NDST4: variants seen among roughly 807,000 people sequenced by gnomAD.
NDST4 encodes N-deacetylase and N-sulfotransferase 4.
In NDST4, 63 loss-of-function variants were observed where a neutral mutation model predicts 100.8. That is an observed-to-expected ratio of 0.62 (90% CI 0.51 to 0.77). The LOEUF is 0.77. NDST4 is among the 30% of genes least tolerant of loss of function. The pLI, the probability that NDST4 is intolerant of heterozygous loss-of-function variation, is 0.00. For missense variants in NDST4, 943 were observed against 1,018.4 expected (o/e 0.93, Z 1.01); for synonymous variants, 377 against 361.8 (o/e 1.04, Z -0.48).
intron 1 of NDST4, among the ~76,000 whole-genome samples, chr4:115,110,687 AT>A (rs1272178986): frequency 1.3e-5 from 2 of 152,094 alleles, no homozygotes; most frequent in East Asian, 3.9e-4. Context: ...TTTCCTGAGA[AT>A]AAACTGTATT....
intron 4 of NDST4, among the ~76,000 whole-genome samples, chr4:114,964,022 T>G (rs1451332972): frequency 2.0e-5 from 3 of 152,178 alleles, no homozygotes; most frequent in African/African-American, 7.2e-5. Flanking sequence ...GTATATGGTA[T>G]AAGTGAAGAG....
At chr4:114,990,819 A>G (rs1157823446) in intron 2 of NDST4, among the ~76,000 whole-genome samples, 1 of 152,104 alleles carries the variant, frequency 6.6e-6, no homozygotes, top group Admixed American at 6.6e-5. Context: ...TGCCCCAGAC[A>G]TCATTGACAG....
At chr4:114,896,249 A>G (rs1027718859) in intron 6 of NDST4, among the ~76,000 whole-genome samples, 3 of 152,074 alleles carry the variant, frequency 2.0e-5, no homozygotes, top group African/African-American at 7.2e-5. Flanking sequence ...CACATTGATT[A>G]GTGTAGTTTT....
chr4:114,839,480 A>G lies in NDST4; in HGVS notation c.2184T>C (p.His728=). 1 of 1,614,022 alleles carries G rather than the reference A, an allele frequency of 6.2e-7. No homozygotes were observed. Among genetic ancestry groups the G allele is most frequent in the Non-Finnish European group, 8.5e-7 (1 of 1,179,940 alleles). The stretch of plus-strand genomic sequence containing the variant: ...AAGTTTTTAAGTCAGATGGAGCCCA[A>G]TGTCCTGTTGAAATAACTTCATAGA... The part of the protein sequence containing the change: ...FNFYEVISTG[H]WAPSDLKTLQ... Residue 728 remains histidine, a synonymous_variant, in exon 11 of 14, where the codon CAT becomes CAC. Coordinates refer to ENST00000264363, the MANE Select transcript of NDST4 (RefSeq NM_022569.3).
chr4:115,030,824 C>A (rs937784436), intron 2 of NDST4, among the ~76,000 whole-genome samples: 4 of 152,054 alleles, frequency 2.6e-5, no homozygotes, highest in African/African-American at 9.7e-5. Context: ...GCATCATGTT[C>A]TATCGAGAAT....
chr4:115,019,677 C>T (rs1028584378), intron 2 of NDST4, among the ~76,000 whole-genome samples: 1 of 152,094 alleles, frequency 6.6e-6, no homozygotes, highest in African/African-American at 2.4e-5. Context: ...CCCTCAAAAA[C>T]CCATGTTGCA....
chr4:114,959,462 A>G (rs900786664), intron 4 of NDST4, among the ~76,000 whole-genome samples: 1 of 152,198 alleles, frequency 6.6e-6, no homozygotes, highest in Non-Finnish European at 1.5e-5. Flanking sequence ...TGGAAGGTGA[A>G]GGAGGAGCAA....
chr4:114,979,729 G>T (rs1363488837), intron 2 of NDST4, among the ~76,000 whole-genome samples: 2 of 151,618 alleles, frequency 1.3e-5, no homozygotes, highest in Non-Finnish European at 2.9e-5. Flanking sequence ...GCTATGTGAA[G>T]AACTTAACAG....
intron 6 of NDST4, among the ~76,000 whole-genome samples, chr4:114,873,944 T>C (rs75557442): frequency 0.019 from 2,943 of 152,268 alleles, 34 homozygotes; most frequent in Non-Finnish European, 0.029. Flanking sequence ...TGTGCTAAAG[T>C]ACACATAAAA....
At chr4:114,883,084 A>G (rs1200258994) in intron 6 of NDST4, among the ~76,000 whole-genome samples, 2 of 152,128 alleles carry the variant, frequency 1.3e-5, no homozygotes, top group Non-Finnish European at 2.9e-5. Flanking sequence ...TGCCTTGAAA[A>G]AAGAAAAGTC....
intron 2 of NDST4, among the ~76,000 whole-genome samples, chr4:115,005,551 G>A (rs1578446654): frequency 6.6e-6 from 1 of 152,252 alleles, no homozygotes; most frequent in East Asian, 1.9e-4. Context: ...GTTGAACAAT[G>A]AGTGACAAGT....
At chr4:114,876,717 T>C (rs1182556095) in intron 6 of NDST4, among the ~76,000 whole-genome samples, 1 of 152,180 alleles carries the variant, frequency 6.6e-6, no homozygotes, top group Non-Finnish European at 1.5e-5. Context: ...CTAAAAATGG[T>C]TCTCAGCTTG....
chr4:114,937,898 C>T (rs900297845), intron 4 of NDST4, among the ~76,000 whole-genome samples: 10 of 132,626 alleles, frequency 7.5e-5, no homozygotes, highest in South Asian at 4.9e-4. Flanking sequence ...TGGCGGGGGG[C>T]GGGTATTGAA....
At chr4:115,016,810 G>A (rs760900587) in intron 2 of NDST4, among the ~76,000 whole-genome samples, 6 of 152,060 alleles carry the variant, frequency 3.9e-5, no homozygotes, top group Non-Finnish European at 7.4e-5. Flanking sequence ...GAATGAAGGT[G>A]TGGGTCATCC....
At chr4:114,874,525 G>T (rs561841751) in intron 6 of NDST4, among the ~76,000 whole-genome samples, 30 of 152,270 alleles carry the variant, frequency 2.0e-4, no homozygotes, top group African/African-American at 7.0e-4. Flanking sequence ...TGCCTTACTG[G>T]TTAGAAACAA....
intron 1 of NDST4, among the ~76,000 whole-genome samples, chr4:115,090,498 AC>A (rs1182520125): frequency 6.6e-6 from 1 of 151,932 alleles, no homozygotes; most frequent in Non-Finnish European, 1.5e-5. Context: ...CAATCCAGTC[AC>A]CTTTTTTTAT....
At chr4:115,048,799 G>T (rs1366463234) in intron 2 of NDST4, among the ~76,000 whole-genome samples, 1 of 151,888 alleles carries the variant, frequency 6.6e-6, no homozygotes, top group Non-Finnish European at 1.5e-5. Context: ...CACTGCACCC[G>T]GCTAATTTTT....
intron 6 of NDST4, among the ~76,000 whole-genome samples, chr4:114,894,214 C>A (rs1381574955): frequency 6.6e-6 from 1 of 152,100 alleles, no homozygotes; most frequent in African/African-American, 2.4e-5. Context: ...ATTGTCTTGT[C>A]TATTTGGGGT....
chr4:114,906,490 T>TA (rs1163649294), intron 6 of NDST4, among the ~76,000 whole-genome samples: 2 of 151,922 alleles, frequency 1.3e-5, no homozygotes, highest in Non-Finnish European at 2.9e-5. Flanking sequence ...GCTGTAAACA[T>TA]AAAGTTTTGG....
Sources: gnomAD v4.1 joint callset for allele counts (sites outside exome capture counted in the v4.1 genomes callset) on GRCh38, gnomAD v4.1.1 for gene constraint, MANE v1.5 for transcripts, NCBI Gene and HGNC (gene_info 2026-07-23, HGNC 2026-07-21) for gene names.